ZNF565: variants seen among roughly 807,000 people sequenced by gnomAD.
The protein encoded by ZNF565 is zinc finger protein 565.
Under a neutral mutation model 39.4 loss-of-function variants are expected in ZNF565, and 27 were observed. That is an observed-to-expected ratio of 0.69 (90% CI 0.51 to 0.95). The LOEUF (loss-of-function observed/expected upper bound fraction) is 0.95, where lower values mean the gene tolerates loss of function less well. Ranked by LOEUF, ZNF565 falls within the 40% of genes least tolerant of loss-of-function variation. The pLI is 0.00. For synonymous variants in ZNF565, 185 were observed against 216.6 expected (o/e 0.85, Z 1.28); for missense variants, 524 against 621.1 (o/e 0.84, Z 1.66).
At chr19:36,214,290 C>G (rs1976493570) in intron 1 of ZNF565, among the ~76,000 whole-genome samples, 1 of 152,060 alleles carries the variant, frequency 6.6e-6, no homozygotes. Context: ...GAATCACAAC[C>G]GCACACCCGC....
intron 4 of ZNF565, among the ~76,000 whole-genome samples, chr19:36,188,078 C>G (rs111750046): frequency 6.6e-6 from 1 of 151,732 alleles, no homozygotes; most frequent in African/African-American, 2.4e-5. Context: ...ATTTAGGGGC[C>G]AGGCGTAGTG....
intron 1 of ZNF565, among the ~76,000 whole-genome samples, chr19:36,207,407 G>T (rs1976194402): frequency 6.6e-6 from 1 of 152,080 alleles, no homozygotes. Context: ...GCGTATGGTG[G>T]TGAGCACCTG....
chr19:36,221,211 G>T (rs1345182038), intron 1 of ZNF565, among the ~76,000 whole-genome samples: 1 of 149,196 alleles, frequency 6.7e-6, no homozygotes, highest in African/African-American at 2.5e-5. Context: ...ATTTGAAATC[G>T]TTTTTCTGAG....
At chr19:36,196,934 G>A (rs1214673519) in intron 2 of ZNF565, among the ~76,000 whole-genome samples, 1 of 152,106 alleles carries the variant, frequency 6.6e-6, no homozygotes, top group African/African-American at 2.4e-5. Flanking sequence ...GCAGGTGCCT[G>A]TAATCCAGGT....
At chr19:36,236,556 C>G (rs753111926) in intron 1 of ZNF565, 5 of 1,614,068 alleles carry the variant, frequency 3.1e-6, no homozygotes, top group Admixed American at 3.3e-5. Context: ...CATTTTCACA[C>G]GAGAGAGAAA....
At chr19:36,231,868 C>T (rs1007998351) in intron 1 of ZNF565, among the ~76,000 whole-genome samples, 4 of 151,616 alleles carry the variant, frequency 2.6e-5, no homozygotes, top group Admixed American at 1.3e-4. Flanking sequence ...GAGTTCTAGA[C>T]CAGCCTGGGC....
At chr19:36,214,113 A>C (rs71354127) in intron 1 of ZNF565, among the ~76,000 whole-genome samples, 1 of 151,948 alleles carries the variant, frequency 6.6e-6, no homozygotes, top group Non-Finnish European at 1.5e-5. Flanking sequence ...CCACACAAGC[A>C]GTGGCACCCC....
At chr19:36,220,414 G>A (rs1976785698) in intron 1 of ZNF565, among the ~76,000 whole-genome samples, 1 of 150,312 alleles carries the variant, frequency 6.7e-6, no homozygotes, top group Non-Finnish European at 1.5e-5. Context: ...GCCCAGGCTG[G>A]AGTGCAGTGG....
chr19:36,215,251 C>T (rs907419719), upstream of ZNF565: 1 of 152,198 alleles, frequency 6.6e-6, no homozygotes, highest in Admixed American at 6.6e-5. Context: ...GGGGAGGATT[C>T]CTGATCTTTA....
intron 1 of ZNF565, among the ~76,000 whole-genome samples, chr19:36,226,713 T>C (rs1485334179): frequency 2.0e-5 from 3 of 152,332 alleles, no homozygotes; most frequent in Non-Finnish European, 4.4e-5. Context: ...AGTTTAACAT[T>C]GATACATTAG....
chr19:36,223,195 TC>T (rs934238665), intron 1 of ZNF565, among the ~76,000 whole-genome samples: 5 of 151,818 alleles, frequency 3.3e-5, no homozygotes, highest in Non-Finnish European at 5.9e-5. Context: ...GGCGGGTAGA[TC>T]ACTTGAGGTC....
upstream of ZNF565, chr19:36,215,109 T>A (rs1472100876): frequency 6.6e-6 from 1 of 152,318 alleles, no homozygotes; most frequent in Non-Finnish European, 1.5e-5. Context: ...GCTCTCCGAG[T>A]GCGCAAGCGC....
At chr19:36,233,339 C>G (rs1489751722) in intron 1 of ZNF565, among the ~76,000 whole-genome samples, 1 of 152,128 alleles carries the variant, frequency 6.6e-6, no homozygotes, top group South Asian at 2.1e-4. Flanking sequence ...GAGATCGCAC[C>G]ACTGCACACC....
chr19:36,199,445 T>C (rs1003712967), intron 2 of ZNF565, among the ~76,000 whole-genome samples: 1 of 152,012 alleles, frequency 6.6e-6, no homozygotes, highest in Non-Finnish European at 1.5e-5. Context: ...TGGGCTTCTA[T>C]TGCAAACACC....
In ZNF565 at chr19:36,211,172, G is replaced by T. The variant is rs553907388; in HGVS notation, c.-66+3450C>A. Among the ~76,000 whole-genome samples the T allele has an allele frequency of 2.6e-5, 4 of 152,280 alleles. No individual in the cohort carries two copies. In the East Asian group the frequency reaches 7.7e-4, roughly 29 times the overall value. Reference sequence around the variant, plus strand: ...ATTCTAATTAATAAGGCCAGGCGAGGTGGCTCACGCCTATAATCCCAGCAT... The same window carrying T: ...ATTCTAATTAATAAGGCCAGGCGAGTTGGCTCACGCCTATAATCCCAGCAT... On this transcript the variant is annotated intron_variant, in intron 1 of 4. Transcript: ENST00000304116.
upstream of ZNF565, among the ~76,000 whole-genome samples, chr19:36,216,323 C>T: frequency 6.6e-6 from 1 of 152,008 alleles, no homozygotes; most frequent in Non-Finnish European, 1.5e-5. Flanking sequence ...GAAGTGTGCG[C>T]AAACTTAAGT....
At chr19:36,208,799 TA>T (rs1169681306) in intron 1 of ZNF565, among the ~76,000 whole-genome samples, 1 of 152,148 alleles carries the variant, frequency 6.6e-6, no homozygotes, top group Non-Finnish European at 1.5e-5. Context: ...TCACTCTGAG[TA>T]AAAACTCTAA....
intron 1 of ZNF565, among the ~76,000 whole-genome samples, chr19:36,221,290 T>C (rs988036880): frequency 3.3e-4 from 48 of 143,376 alleles, no homozygotes; most frequent in Admixed American, 2.3e-3. Context: ...ACTGCTTTTT[T>C]TTTTTTTTTT....
chr19:36,201,924 A>G, intron 2 of ZNF565, 53 bp downstream of exon 2: 1 of 1,605,254 alleles, frequency 6.2e-7, no homozygotes, highest in East Asian at 2.2e-5. Flanking sequence ...CAGTGTCCAT[A>G]TAATCTGGCG....
Sources: allele counts gnomAD v4.1 joint callset (sites outside exome capture counted in the v4.1 genomes callset), GRCh38; gene constraint gnomAD v4.1.1; transcripts MANE v1.5; gene names NCBI Gene and HGNC (gene_info 2026-07-23, HGNC 2026-07-21).